The following PANK4 variants were observed in gnomAD, a reference collection of about 807,000 sequenced individuals.
PANK4 encodes the protein 4'-phosphopantetheine phosphatase.
Under a neutral mutation model 87.9 loss-of-function variants are expected in PANK4, and 40 were observed. That is an observed-to-expected ratio of 0.46 (90% CI 0.35 to 0.59). The LOEUF (loss-of-function observed/expected upper bound fraction) is 0.59. Among genes scored for constraint, PANK4 ranks in the 20% least tolerant of loss-of-function variants. The pLI is 0.00. For synonymous variants in PANK4, 524 were observed against 467.4 expected, an observed-to-expected ratio of 1.12 and a Z score of -1.56; for missense variants, 926 against 1,072.3, an observed-to-expected ratio of 0.86 and a Z score of 1.90.
intron 1 of PANK4, chr1:2,525,681 G>C (rs994440914): frequency 3.3e-5 from 5 of 152,262 alleles, no homozygotes; most frequent in African/African-American, 1.2e-4. Flanking sequence ...AGGTGTCCGG[G>C]AGTCAGGAGC....
At position 2,510,601 on chromosome 1, in the gene PANK4, A is replaced by C. The variant is rs945147709; in HGVS notation, c.1938+77T>G. 11 of 852,628 alleles carry C rather than the reference A, an allele frequency of 1.3e-5. No individual in the cohort carries two copies. The highest frequency in any genetic ancestry group is 2.0e-5 in the Non-Finnish European group (10 of 509,938). 52.8% of individuals were successfully genotyped at this position (852,628 alleles called of 1,614,324 possible). On this transcript the variant is annotated intron_variant, in intron 16 of 18. Transcript: ENST00000378466. This position sits in a 1 kb window ranked among gnomAD's most constrained non-coding sequence, Gnocchi z 4.9. ...CCGGAGGAGCCCCGACCACCGCCAG[A>C]GGCCCACAGCGGCGCCAACCCCACC...
rs553298364 is a variant in PANK4, at chr1:2,515,199, G to A, written c.1374+363C>T. 644 of 435,256 alleles carry A rather than the reference G, an allele frequency of 1.5e-3. 4 individuals are homozygous for A. The highest frequency in any genetic ancestry group is 0.012 in the African/African-American group (596 of 50,182). The allele number at this position is 435,256 out of a possible 1,614,324, so 27.0% of individuals were successfully genotyped here. On this transcript the variant is annotated intron_variant, in intron 10 of 18. Transcript: ENST00000378466. This position sits in a 1 kb window ranked among gnomAD's most constrained non-coding sequence, Gnocchi z 5.0. ...GCCTCGCCGGGAGCTTGCTGGGGCTGAGTCTCACCCCACCCCCAGAGTCAG... is the reference window on the plus strand; with the variant it reads ...GCCTCGCCGGGAGCTTGCTGGGGCTAAGTCTCACCCCACCCCCAGAGTCAG...
chr1:2,514,897 C>A (rs1316685649), intron 10 of PANK4, among the ~76,000 whole-genome samples: 1 of 152,078 alleles, frequency 6.6e-6, no homozygotes, highest in Non-Finnish European at 1.5e-5. Context: ...GGCCAAGACC[C>A]ACGTCCTCAG....
chr1:2,518,986 G>C (rs902196831), intron 7 of PANK4, among the ~76,000 whole-genome samples, 157 bp downstream of exon 7: 4 of 152,194 alleles, frequency 2.6e-5, no homozygotes, highest in Non-Finnish European at 4.4e-5. Context: ...ACAAAATGTA[G>C]GCTGCCCAGA....
At chr1:2,526,399 G>GCCGGCCCACCGCCGGCGC (rs1643924869) in intron 1 of PANK4, 65 bp downstream of exon 1, 1 of 686,274 alleles carries the variant, frequency 1.5e-6, no homozygotes, top group African/African-American at 2.0e-5. Flanking sequence ...GCCCCCGCTC[G>GCCGGCCCACCGCCGGCGC]CCGGCCCACC....
At position 2,521,212 on chromosome 1, in the gene PANK4, C is replaced by A; in HGVS notation, c.311G>T (p.Cys104Phe). Residue 104 changes from cysteine (C) to phenylalanine (F), a missense_variant, in exon 3 of 19, where the codon TGC (cysteine) becomes TTC (phenylalanine). Physicochemically the swap from Cys to Phe is radical, Grantham distance 205. Coordinates refer to ENST00000378466, the MANE Select transcript of PANK4 (RefSeq NM_018216.4). ...IKFENTYIEACLDFIKDHLVN... is the reference protein window; with the variant it reads ...IKFENTYIEAFLDFIKDHLVN... ...GAGATGGTCTTTGATGAAGTCCAGG[C>A]AGGCTTCGATGTAGGTATTCTCAAA... 1.2e-6 allele frequency: 2 copies of A among 1,613,816 alleles called. No individual in the cohort carries two copies. The highest frequency in any genetic ancestry group is 1.7e-6 in the Non-Finnish European group (2 of 1,179,830).
chr1:2,521,499 A>G, intron 2 of PANK4, 184 bp from the exon 3 acceptor site: 1 of 686,332 alleles, frequency 1.5e-6, no homozygotes, highest in Non-Finnish European at 2.6e-6. Context: ...ACCCAGCAGG[A>G]GCGGAAGCCT....
chr1:2,523,353 C>T (rs1433441317), intron 1 of PANK4, among the ~76,000 whole-genome samples: 2 of 152,168 alleles, frequency 1.3e-5, no homozygotes, highest in African/African-American at 4.8e-5. Context: ...CCTCCCCTGC[C>T]CCCAGTGCTG....
intron 1 of PANK4, among the ~76,000 whole-genome samples, chr1:2,525,064 T>C (rs1200434097): frequency 6.6e-6 from 1 of 152,074 alleles, no homozygotes; most frequent in African/African-American, 2.4e-5. Flanking sequence ...CACTGAAAGG[T>C]GGGAGCCAGG....
chr1:2,517,209 C>G (rs1339475831), intron 9 of PANK4, among the ~76,000 whole-genome samples: 1 of 152,236 alleles, frequency 6.6e-6, no homozygotes, highest in African/African-American at 2.4e-5. Context: ...CTGCCTAGTG[C>G]TGGCGGTGGG....
intron 13 of PANK4, chr1:2,512,598 A>G: frequency 2.2e-6 from 1 of 444,954 alleles, no homozygotes; most frequent in East Asian, 3.7e-5. Flanking sequence ...GATTCTGACA[A>G]TAGAAAATGC....
In PANK4 at chr1:2,515,911, C is replaced by A. The variant is rs1398680714; in HGVS notation, c.1219-194G>T. Reference sequence around the variant, plus strand: ...GCCTGAGCCGGATACCTTGACTTACCCCCTGGTTTGACACTGGGGTTGCGT... The same window carrying A: ...GCCTGAGCCGGATACCTTGACTTACACCCTGGTTTGACACTGGGGTTGCGT... On this transcript the variant is annotated intron_variant, in intron 9 of 18. Transcript: ENST00000378466. The surrounding 1 kb of genome is among the most constrained non-coding windows in gnomAD (Gnocchi z 5.0). 3.2e-6 allele frequency: 2 copies of A among 619,922 alleles called. No individual in the cohort carries two copies. Among genetic ancestry groups the A allele is most frequent in the Non-Finnish European group, 5.6e-6 (2 of 354,422 alleles). 38.4% of individuals were successfully genotyped at this position (619,922 alleles called of 1,614,324 possible).
At chr1:2,517,778 C>T (rs967290332) in intron 9 of PANK4, among the ~76,000 whole-genome samples, 4 of 152,358 alleles carry the variant, frequency 2.6e-5, no homozygotes, top group East Asian at 1.9e-4. Context: ...CGGCAGAGCG[C>T]GCAGTCCTAG....
chr1:2,515,860 C>A lies in PANK4; in HGVS notation c.1219-143G>T. ...GTCTCTGGGCCACAGACGAGACCCC[C>A]ACTGGGCCCCCTCAGCTGCCCGGCG... On this transcript the variant is annotated intron_variant, in intron 9 of 18. Transcript: ENST00000378466. This position sits in a 1 kb window ranked among gnomAD's most constrained non-coding sequence, Gnocchi z 5.0. 2 of 834,034 alleles carry A rather than the reference C, an allele frequency of 2.4e-6. No homozygotes were observed. The highest frequency in any genetic ancestry group is 3.7e-6 in the Non-Finnish European group (2 of 537,516). The allele number at this position is 834,034 out of a possible 1,614,324, so 51.7% of individuals were successfully genotyped here.
At chr1:2,513,360 T>C (rs1335020267) in intron 12 of PANK4, among the ~76,000 whole-genome samples, 1 of 152,194 alleles carries the variant, frequency 6.6e-6, no homozygotes, top group Non-Finnish European at 1.5e-5. Flanking sequence ...AGACTTCCGC[T>C]GTCACAAGGC....
chr1:2,512,124 G>C (rs1050751201), intron 13 of PANK4, among the ~76,000 whole-genome samples: 12 of 152,224 alleles, frequency 7.9e-5, no homozygotes, highest in African/African-American at 2.7e-4. Context: ...CCCTGTGCTT[G>C]GCACCCATGC....
In PANK4 at chr1:2,511,869, G is replaced by A. The variant is rs539093800; in HGVS notation, c.1728-186C>T. On this transcript the variant is annotated intron_variant, in intron 13 of 18. Transcript: ENST00000378466. ...ACGTGAAGACCCCAAATCACTCCCA[G>A]GCAGGACAGAGGCAGCTGCTAAGAC... Among the ~76,000 whole-genome samples the A allele has an allele frequency of 5.9e-5, 9 of 152,000 alleles. No homozygotes were observed. In the East Asian group the frequency reaches 1.5e-3, roughly 26 times the overall value.
intron 7 of PANK4, among the ~76,000 whole-genome samples, 175 bp from the exon 8 acceptor site, chr1:2,518,772 G>A (rs1314961616): frequency 2.0e-5 from 3 of 152,254 alleles, no homozygotes; most frequent in Admixed American, 2.0e-4. Context: ...AGGGCGGGCT[G>A]CTGTTTGAAG....
At chr1:2,521,484 G>A (rs1359281154) in intron 2 of PANK4, 169 bp from the exon 3 acceptor site, 1 of 701,282 alleles carries the variant, frequency 1.4e-6, no homozygotes, top group Non-Finnish European at 2.5e-6. Context: ...GGCGACCTCA[G>A]GGCCACCCAG....
Sources: allele counts gnomAD v4.1 joint callset (sites outside exome capture counted in the v4.1 genomes callset), GRCh38; gene constraint gnomAD v4.1.1; non-coding constraint Gnocchi (gnomAD v3.1); transcripts MANE v1.5; gene names NCBI Gene and HGNC (gene_info 2026-07-23, HGNC 2026-07-21).